KIF13A: variants seen among roughly 807,000 people sequenced by gnomAD.
KIF13A encodes the protein kinesin-like protein KIF13A.
A neutral mutation model predicts 212.2 loss-of-function variants in KIF13A; 79 were observed. That is an observed-to-expected ratio of 0.37 (90% confidence interval 0.31 to 0.45). The LOEUF (loss-of-function observed/expected upper bound fraction) is 0.45, where lower values mean the gene tolerates loss of function less well. Ranked by LOEUF, KIF13A falls within the 20% of genes least tolerant of loss-of-function variation. KIF13A has a pLI of 1.00. For synonymous variants in KIF13A, 789 were observed against 808.6 expected, an observed-to-expected ratio of 0.98 and a Z score of 0.41; for missense variants, 1,901 against 2,209.0, an observed-to-expected ratio of 0.86 and a Z score of 2.79.
intron 2 of KIF13A, among the ~76,000 whole-genome samples, chr6:17,949,165 C>T (rs1293928456): frequency 6.6e-6 from 1 of 152,140 alleles, no homozygotes; most frequent in Non-Finnish European, 1.5e-5. Context: ...GCATTAGTCT[C>T]CTCTGGGTCA....
chr6:17,826,169 C>G lies in KIF13A; in HGVS notation c.1533-45G>C. ...AATACCAGGTAAATGGGAAGGAGCA[C>G]AAGACCTTGTCCTGGTAGCCAAAGA... On this transcript the variant is annotated intron_variant, in intron 14 of 38. Coordinates refer to ENST00000259711, the MANE Select transcript of KIF13A (RefSeq NM_022113.6). The surrounding 1 kb of genome is among the most constrained non-coding windows in gnomAD (Gnocchi z 4.7). 1 of 1,460,686 alleles carries G rather than the reference C, an allele frequency of 6.8e-7. No individual in the cohort carries two copies. The highest frequency in any genetic ancestry group is 1.4e-5 in the African/African-American group (1 of 71,792). 90.5% of individuals were successfully genotyped at this position (1,460,686 alleles called of 1,614,324 possible).
rs1765249224 is a variant in KIF13A at position 17,829,489 on chromosome 6, G to C, written c.1402-1119C>G. Among the ~76,000 whole-genome samples, 1 of 152,180 alleles carries C rather than the reference G, an allele frequency of 6.6e-6. No individual in the cohort carries two copies. Among genetic ancestry groups the C allele is most frequent in the African/African-American group, 2.4e-5 (1 of 41,442 alleles). On this transcript the variant is annotated intron_variant, in intron 13 of 38. Coordinates refer to ENST00000259711, the MANE Select transcript of KIF13A (RefSeq NM_022113.6). The surrounding 1 kb of genome is among the most constrained non-coding windows in gnomAD (Gnocchi z 5.4). ...CTGCAAAGTGAGAAATAGGACATCTGATTGACACTGATAGCGTCCAATACA... is the reference window on the plus strand; with the variant it reads ...CTGCAAAGTGAGAAATAGGACATCTCATTGACACTGATAGCGTCCAATACA...
At chr6:17,986,052 T>C (rs1228350905) in intron 2 of KIF13A, among the ~76,000 whole-genome samples, 23 of 152,230 alleles carry the variant, frequency 1.5e-4, no homozygotes, top group Admixed American at 1.5e-3. Context: ...TAAGCAATAA[T>C]GTCACAAACC....
chr6:17,863,618 C>G (rs540890179), intron 4 of KIF13A, among the ~76,000 whole-genome samples: 1 of 152,140 alleles, frequency 6.6e-6, no homozygotes, highest in South Asian at 2.1e-4. Flanking sequence ...CAACCAAAGC[C>G]TAAAAAGGCA....
At position 17,867,989 on chromosome 6, in the gene KIF13A, C is replaced by T. The variant is rs1451690932; in HGVS notation, c.220+5388G>A. 2.0e-5 allele frequency among the ~76,000 whole-genome samples: 3 copies of T among 152,322 alleles called. No individual in the cohort carries two copies. The East Asian group carries it at 5.8e-4, about 29-fold the overall frequency. ...CCACAGATTGGAGGTGCTCTTCTGTCCCCTCACAGTATAAAGCAATGCTAG... is the reference window on the plus strand; with the variant it reads ...CCACAGATTGGAGGTGCTCTTCTGTTCCCTCACAGTATAAAGCAATGCTAG... On this transcript the variant is annotated intron_variant, in intron 4 of 38. Transcript: ENST00000259711.
rs753706731 is a variant in KIF13A, at chr6:17,850,287, AC to A, written c.717+35del. ...CTATATGGACACTTTCAGTTCTTCC[AC>A]CCCCACTCCAAAAAGGTTCTGCCTA... is the stretch of plus-strand genomic sequence containing the variant. On this transcript the variant is annotated intron_variant, in intron 8 of 38. Transcript: ENST00000259711. The surrounding 1 kb of genome is among the most constrained non-coding windows in gnomAD (Gnocchi z 6.2). 4.5e-6 allele frequency: 7 copies of A among 1,572,532 alleles called. No homozygotes were observed. The highest frequency in any genetic ancestry group is 2.3e-5 in the South Asian group (2 of 85,790).
chr6:17,987,528 C>T lies in KIF13A; in HGVS notation c.-65G>A. 1.1e-6 allele frequency: 1 copy of T among 917,276 alleles called. No homozygotes were observed. The allele number at this position is 917,276 out of a possible 1,614,324, so 56.8% of individuals were successfully genotyped here. ...GCCTTAGGCGGCCCCTCACGCGCGG[C>T]GCCGCCGCCGCTGCAGCCGCGCGCC... On this transcript the variant is annotated 5_prime_UTR_variant, in exon 1 of 39. Coordinates refer to ENST00000259711, the MANE Select transcript of KIF13A (RefSeq NM_022113.6). This position sits in a 1 kb window ranked among gnomAD's most constrained non-coding sequence, Gnocchi z 7.7.
In KIF13A at chr6:17,828,291, A is replaced by T; in HGVS notation, c.1481T>A (p.Ile494Asn). The stretch of plus-strand genomic sequence containing the variant: ...GACGTCTCCATCAGATGCAATGTCA[A>T]TCTCACAGTGCTGAGGCTGAATTCC... The part of the protein sequence containing the change: ...GIGIQPQHCE[I>N]DIASDGDVTL... Residue 494 changes from isoleucine to asparagine, a missense_variant, in exon 14 of 39, where the codon ATT becomes AAT. Physicochemically the swap from Ile to Asn is moderately radical, Grantham distance 149 (BLOSUM62 -3). Transcript: ENST00000259711. This position sits in a 1 kb window ranked among gnomAD's most constrained non-coding sequence, Gnocchi z 4.3. 6.2e-7 allele frequency: 1 copy of T among 1,610,198 alleles called. No individual in the cohort carries two copies. The highest frequency in any genetic ancestry group is 8.5e-7 in the Non-Finnish European group (1 of 1,177,824).
downstream of KIF13A, chr6:17,760,593 CA>C: frequency 1.8e-6 from 1 of 567,398 alleles, no homozygotes; most frequent in Non-Finnish European, 3.1e-6. Context: ...AAAATACTGT[CA>C]CTTAGTTAAT....
chr6:17,881,389 A>G, intron 3 of KIF13A: 1 of 398,718 alleles, frequency 2.5e-6, no homozygotes, highest in Admixed American at 3.3e-5. Context: ...GTTAAACTCC[A>G]CTTTTACTTA....
rs750425061 is a variant in KIF13A at position 17,834,899 on chromosome 6, T to C, written c.1156-828A>G. ...TTAGTGCTGAGTACAGTGGGACATA[T>C]ATGAAAATTATAGGCCAGGCCAATG... On this transcript the variant is annotated intron_variant, in intron 11 of 38. Coordinates refer to ENST00000259711, the MANE Select transcript of KIF13A (RefSeq NM_022113.6). This position sits in a 1 kb window ranked among gnomAD's most constrained non-coding sequence, Gnocchi z 4.0. Among the ~76,000 whole-genome samples the C allele has an allele frequency of 2.6e-5, 4 of 151,952 alleles. No homozygotes were observed. The highest frequency in any genetic ancestry group is 1.3e-4 in the Admixed American group (2 of 15,244).
intron 6 of KIF13A, among the ~76,000 whole-genome samples, chr6:17,852,293 C>T (rs1767726182): frequency 6.6e-6 from 1 of 152,142 alleles, no homozygotes; most frequent in Non-Finnish European, 1.5e-5. Context: ...CACAAACCTT[C>T]CTGGGTTAGG....
intron 2 of KIF13A, among the ~76,000 whole-genome samples, chr6:17,949,340 C>T (rs769399548): frequency 1.3e-5 from 2 of 152,168 alleles, no homozygotes; most frequent in African/African-American, 2.4e-5. Flanking sequence ...ATATTTATTA[C>T]AGTAACCACA....
intron 2 of KIF13A, among the ~76,000 whole-genome samples, chr6:17,906,301 C>T (rs886737774): frequency 6.6e-6 from 1 of 152,084 alleles, no homozygotes; most frequent in African/African-American, 2.4e-5. Context: ...AATTGTTTTT[C>T]TCCTAACCCC....
rs1485825241 is a variant in KIF13A, at chr6:17,804,342, A to G, written c.2454+19T>C. The G allele has an allele frequency of 2.0e-6, 3 of 1,488,352 alleles. No individual in the cohort carries two copies. Among genetic ancestry groups the G allele is most frequent in the South Asian group, 2.7e-5 (2 of 74,934 alleles). The allele number at this position is 1,488,352 out of a possible 1,614,324, so 92.2% of individuals were successfully genotyped here. A position where few individuals can be genotyped will look rare whatever the true frequency, so the allele number is the denominator to read the frequency against. On this transcript the variant is annotated intron_variant, in intron 20 of 38. Coordinates refer to ENST00000259711, the MANE Select transcript of KIF13A (RefSeq NM_022113.6). ...AAAACTTGAACCACCATCGTTCTCC[A>G]AGGCTGGCCTGTGCTTACCTCCCCC...
At chr6:17,965,157 G>A (rs1561813378) in intron 2 of KIF13A, among the ~76,000 whole-genome samples, 2 of 152,106 alleles carry the variant, frequency 1.3e-5, no homozygotes, top group Non-Finnish European at 2.9e-5. Context: ...GGAAACACAT[G>A]TGTCCCAAAT....
intron 33 of KIF13A, among the ~76,000 whole-genome samples, chr6:17,778,558 G>C (rs375766242): frequency 5.3e-5 from 8 of 152,270 alleles, no homozygotes; most frequent in East Asian, 3.9e-4. Context: ...ATGTGCTTTG[G>C]AGTCAAGCTA....
chr6:17,821,595 TG>T (rs1764456099), intron 16 of KIF13A, among the ~76,000 whole-genome samples: 3 of 46,278 alleles, frequency 6.5e-5, no homozygotes, highest in Non-Finnish European at 1.5e-4. Flanking sequence ...GTGTTGGGGG[TG>T]GGGTGTTCAT....
intron 20 of KIF13A, among the ~76,000 whole-genome samples, chr6:17,803,150 G>C (rs1762622989): frequency 6.6e-6 from 1 of 151,880 alleles, no homozygotes. Context: ...TGGCCAGGCT[G>C]GTCTTGAACT....
Sources: gnomAD v4.1 joint callset for allele counts (sites outside exome capture counted in the v4.1 genomes callset) on GRCh38, gnomAD v4.1.1 for gene constraint, Gnocchi (gnomAD v3.1) non-coding constraint, MANE v1.5 for transcripts, NCBI Gene and HGNC (gene_info 2026-07-23, HGNC 2026-07-21) for gene names.